PCSK5: variants seen among roughly 807,000 people sequenced by gnomAD.
PCSK5 encodes prohormone convertase 5.
A neutral mutation model predicts 233.2 loss-of-function variants in PCSK5; 129 were observed. The observed-to-expected ratio is 0.55, with a 90% confidence interval of 0.48 to 0.64. The LOEUF (loss-of-function observed/expected upper bound fraction) is 0.64. Ranked by LOEUF, PCSK5 falls within the 30% of genes least tolerant of loss-of-function variation. PCSK5 has a pLI of 0.00. For missense variants in PCSK5, 2,076 were observed against 2,430.1 expected, an observed-to-expected ratio of 0.85 and a Z score of 3.06; for synonymous variants, 825 against 879.2, an observed-to-expected ratio of 0.94 and a Z score of 1.09.
At chr9:76,226,311 A>T (rs1587779272) in intron 20 of PCSK5, among the ~76,000 whole-genome samples, 1 of 152,134 alleles carries the variant, frequency 6.6e-6, no homozygotes, top group East Asian at 1.9e-4. Context: ...CAAGTGTAAA[A>T]TTTACATATA....
chr9:76,291,332 G>C (rs962423942), intron 24 of PCSK5, among the ~76,000 whole-genome samples: 1 of 152,288 alleles, frequency 6.6e-6, no homozygotes, highest in East Asian at 1.9e-4. Flanking sequence ...AAATGATATA[G>C]TTTTATTTTG....
intron 3 of PCSK5, among the ~76,000 whole-genome samples, chr9:75,996,514 C>T (rs552609147): frequency 3.3e-5 from 5 of 152,162 alleles, no homozygotes; most frequent in African/African-American, 9.6e-5. Context: ...TTTCATTGTC[C>T]CACATGATGG....
intron 24 of PCSK5, among the ~76,000 whole-genome samples, chr9:76,254,328 G>A (rs1826908698): frequency 6.6e-6 from 1 of 152,154 alleles, no homozygotes; most frequent in Admixed American, 6.5e-5. Context: ...TTGTGTGTTT[G>A]TACATGAAAT....
chr9:76,193,115 T>TGAATGATCTCTTCC, intron 20 of PCSK5: 1 of 773,996 alleles, frequency 1.3e-6, no homozygotes, highest in Admixed American at 3.2e-5. Context: ...TGACTACTCC[T>TGAATGATCTCTTCC]GAATGATCTC....
intron 15 of PCSK5, among the ~76,000 whole-genome samples, chr9:76,180,073 A>ATGTG (rs1349640452): frequency 7.1e-4 from 92 of 128,812 alleles, no homozygotes; most frequent in Non-Finnish European, 1.2e-3. Flanking sequence ...GTTTATATAT[A>ATGTG]TATGTGTGTG....
chr9:76,196,895 C>CAATT (rs772600041), intron 20 of PCSK5, among the ~76,000 whole-genome samples: 83 of 152,272 alleles, frequency 5.5e-4, no homozygotes, highest in Non-Finnish European at 1.0e-3. Flanking sequence ...AACATTAAGA[C>CAATT]AATTAACAGC....
At chr9:75,923,093 T>G (rs1823325368) in intron 1 of PCSK5, among the ~76,000 whole-genome samples, 1 of 152,152 alleles carries the variant, frequency 6.6e-6, no homozygotes, top group African/African-American at 2.4e-5. Context: ...ACCCTTTGAG[T>G]AAGTTTTAAA....
At chr9:75,951,109 C>T (rs1201136995) in intron 2 of PCSK5, among the ~76,000 whole-genome samples, 2 of 152,176 alleles carry the variant, frequency 1.3e-5, no homozygotes, top group African/African-American at 4.8e-5. Context: ...GAAACAGGGT[C>T]AAGAGTCCAA....
At chr9:76,239,228 T>C (rs1826352689) in intron 23 of PCSK5, 63 bp downstream of exon 23, 1 of 1,357,296 alleles carries the variant, frequency 7.4e-7, no homozygotes, top group Non-Finnish European at 1.0e-6. Context: ...GCACCCTGGA[T>C]GTCCTGGAGA....
At chr9:76,062,728 G>GCAAT (rs1220991784) in intron 5 of PCSK5, among the ~76,000 whole-genome samples, 1 of 152,136 alleles carries the variant, frequency 6.6e-6, no homozygotes, top group Non-Finnish European at 1.5e-5. Flanking sequence ...ATATATGCAT[G>GCAAT]CAATGTATGA....
chr9:76,292,020 G>A (rs1828292587), intron 24 of PCSK5, among the ~76,000 whole-genome samples: 3 of 152,108 alleles, frequency 2.0e-5, no homozygotes, highest in Admixed American at 2.0e-4. Context: ...AAGTGTTTAT[G>A]AGAATTCTTA....
At chr9:76,077,101 A>C (rs1830669846) in intron 7 of PCSK5, among the ~76,000 whole-genome samples, 1 of 152,170 alleles carries the variant, frequency 6.6e-6, no homozygotes, top group Admixed American at 6.5e-5. Context: ...GGCTTCAAAG[A>C]AATCTGGTAA....
intron 2 of PCSK5, among the ~76,000 whole-genome samples, chr9:75,966,281 G>A (rs1563943034): frequency 6.6e-6 from 1 of 152,122 alleles, no homozygotes; most frequent in Non-Finnish European, 1.5e-5. Flanking sequence ...GTATTGGTGG[G>A]GACTGGCCCA....
intron 5 of PCSK5, among the ~76,000 whole-genome samples, chr9:76,049,111 TAAAG>T (rs898215856): frequency 7.3e-5 from 11 of 150,378 alleles, no homozygotes; most frequent in Admixed American, 3.3e-4. Context: ...AAAAAAAAAA[TAAAG>T]AAGAAAGAAA....
chr9:76,194,709 G>A lies in PCSK5; in HGVS notation c.2626+4963G>A, dbSNP rs1016273349. ...AGGAAACTATTTGGATTAGTGGCCA[G>A]AAACGATGAAATCTTATAGATCTTT... On this transcript the variant is annotated intron_variant, in intron 20 of 37. Transcript: ENST00000674117. The A allele has an allele frequency of 1.7e-5, 8 of 458,250 alleles. No individual in the cohort carries two copies. In the Admixed American group the frequency reaches 1.9e-4, roughly 11 times the overall value. The allele number at this position is 458,250 out of a possible 1,614,324, so 28.4% of individuals were successfully genotyped here.
chr9:76,085,986 A>G (rs957881410), intron 7 of PCSK5, among the ~76,000 whole-genome samples: 1 of 152,206 alleles, frequency 6.6e-6, no homozygotes, highest in Non-Finnish European at 1.5e-5. Context: ...TTTATTCTCT[A>G]TGAAAGGAAT....
intron 6 of PCSK5, among the ~76,000 whole-genome samples, chr9:76,068,786 A>C (rs1418381493): frequency 6.6e-6 from 1 of 152,168 alleles, no homozygotes; most frequent in Non-Finnish European, 1.5e-5. Context: ...ATGGATCCTC[A>C]TGATTTTATC....
intron 12 of PCSK5, among the ~76,000 whole-genome samples, chr9:76,167,871 T>C (rs1428147213): frequency 6.6e-6 from 1 of 152,202 alleles, no homozygotes; most frequent in African/African-American, 2.4e-5. Flanking sequence ...TTGTCCCCAT[T>C]GAAGGAGAGA....
chr9:75,903,715 A>G (rs1261509046), intron 1 of PCSK5, among the ~76,000 whole-genome samples: 7 of 150,692 alleles, frequency 4.6e-5, no homozygotes, highest in Non-Finnish European at 8.8e-5. Flanking sequence ...CTGTAAAAAT[A>G]TACCAGATCT....
Sources: gnomAD v4.1 joint callset for allele counts (sites outside exome capture counted in the v4.1 genomes callset) on GRCh38, gnomAD v4.1.1 for gene constraint, MANE v1.5 for transcripts, NCBI Gene and HGNC (gene_info 2026-07-23, HGNC 2026-07-21) for gene names.